Variants in SYT10 observed in about 807,000 individuals in gnomAD.
SYT10 encodes the protein synaptotagmin 10.
Under a neutral mutation model 51.1 loss-of-function variants are expected in SYT10, and 31 were observed. The ratio of observed to expected loss-of-function variants is 0.61; its 90% CI spans 0.46 to 0.82. The LOEUF is 0.82. Ranked by LOEUF, SYT10 falls within the 40% of genes least tolerant of loss-of-function variation. The probability of loss-of-function intolerance (pLI) is 0.00; values close to 1 mark genes in which losing one functional copy is unlikely to be tolerated. For missense variants in SYT10, 603 were observed against 634.0 expected, an observed-to-expected ratio of 0.95 and a Z score of 0.53; for synonymous variants, 233 against 225.9, an observed-to-expected ratio of 1.03 and a Z score of -0.28.
intron 3 of SYT10, among the ~76,000 whole-genome samples, chr12:33,389,726 A>C (rs548455873): frequency 6.6e-6 from 1 of 152,348 alleles, no homozygotes; most frequent in Admixed American, 6.5e-5. Context: ...CCTGTCTTCC[A>C]CATTTCCTTG....
chr12:33,414,186 A>T (rs186293240), intron 2 of SYT10, among the ~76,000 whole-genome samples: 33 of 152,348 alleles, frequency 2.2e-4, no homozygotes, highest in Non-Finnish European at 4.0e-4. Flanking sequence ...TCATAAAGTA[A>T]GTCCTTAGAA....
intron 3 of SYT10, among the ~76,000 whole-genome samples, chr12:33,403,880 A>G (rs991890118): frequency 2.0e-5 from 3 of 152,148 alleles, no homozygotes; most frequent in African/African-American, 4.8e-5. Context: ...TACTACTCTA[A>G]CCATAATATT....
chr12:33,425,112 A>T (rs1866539198), intron 2 of SYT10, among the ~76,000 whole-genome samples: 1 of 152,144 alleles, frequency 6.6e-6, no homozygotes, highest in Non-Finnish European at 1.5e-5. Flanking sequence ...AACCAATATG[A>T]CCCAGTTTTT....
Position 33,424,056 on chromosome 12 carries a change from A to G in SYT10, c.509+2082T>C, listed in dbSNP as rs1228968623. ...AGAGGCAGGTGAAATGATTGATATA[A>G]AAGTTCTAGCAAAACTCTGAATGTG... On this transcript the variant is annotated intron_variant, in intron 2 of 6. Coordinates refer to ENST00000228567, the MANE Select transcript of SYT10 (RefSeq NM_198992.4). 6 of 454,120 alleles carry G rather than the reference A, an allele frequency of 1.3e-5. No individual in the cohort carries two copies. In the East Asian group the frequency reaches 4.2e-4, roughly 32 times the overall value. 28.1% of individuals were successfully genotyped at this position (454,120 alleles called of 1,614,324 possible).
chr12:33,409,033 T>A (rs1450289336), intron 2 of SYT10, among the ~76,000 whole-genome samples: 1 of 148,024 alleles, frequency 6.8e-6, no homozygotes, highest in Non-Finnish European at 1.5e-5. Context: ...TTCAGCTGGC[T>A]TTTTTTTTTC....
At chr12:33,404,111 C>T (rs545947746) in intron 3 of SYT10, among the ~76,000 whole-genome samples, 70 of 152,196 alleles carry the variant, frequency 4.6e-4, no homozygotes, top group African/African-American at 1.7e-3. Flanking sequence ...TAAAGGTAGC[C>T]CCAAAGATAG....
At chr12:33,410,322 T>C (rs1866394631) in intron 2 of SYT10, among the ~76,000 whole-genome samples, 1 of 152,242 alleles carries the variant, frequency 6.6e-6, no homozygotes, top group South Asian at 2.1e-4. Flanking sequence ...ATTTGCTTAT[T>C]TACTTTAACT....
At chr12:33,393,013 A>AT (rs1565492470) in intron 3 of SYT10, among the ~76,000 whole-genome samples, 1 of 146,314 alleles carries the variant, frequency 6.8e-6, no homozygotes, top group Admixed American at 6.9e-5. Context: ...AAAAAAAAAA[A>AT]ATTGCAAAAA....
intron 1 of SYT10, among the ~76,000 whole-genome samples, chr12:33,427,568 G>A (rs1866563262): frequency 6.6e-6 from 1 of 152,108 alleles, no homozygotes; most frequent in South Asian, 2.1e-4. Context: ...AACAGTGCAA[G>A]AAGTTAGATT....
intron 2 of SYT10, among the ~76,000 whole-genome samples, chr12:33,423,162 C>A (rs567255950): frequency 2.0e-5 from 3 of 152,026 alleles, no homozygotes; most frequent in African/African-American, 7.2e-5. Flanking sequence ...AACTTCTAGG[C>A]CCATCAGGAT....
At chr12:33,392,397 C>G (rs754746318) in intron 3 of SYT10, among the ~76,000 whole-genome samples, 13 of 152,144 alleles carry the variant, frequency 8.5e-5, no homozygotes, top group Non-Finnish European at 1.3e-4. Flanking sequence ...TTCTAGCCCA[C>G]TTTCCCCTTT....
At chr12:33,385,119 A>G in intron 4 of SYT10, 52 bp downstream of exon 4, 1 of 1,594,910 alleles carries the variant, frequency 6.3e-7, no homozygotes, top group South Asian at 1.1e-5. Context: ...TAGATACATG[A>G]AATATTTCAT....
intron 3 of SYT10, among the ~76,000 whole-genome samples, chr12:33,395,544 A>G (rs16920963): frequency 0.049 from 7,411 of 152,282 alleles, 317 homozygotes; most frequent in African/African-American, 0.12. Flanking sequence ...ATACACCAGG[A>G]CACAGCTGAT....
At chr12:33,410,810 GAAA>G in intron 2 of SYT10, among the ~76,000 whole-genome samples, 1 of 151,966 alleles carries the variant, frequency 6.6e-6, no homozygotes, top group East Asian at 1.9e-4. Context: ...CAATTTGGAA[GAAA>G]ATAAAAAATA....
chr12:33,382,486 AC>A lies in SYT10; in HGVS notation c.1232del (p.Gly411ValfsTer4). ...TTGTTTTCCTCTTTTTTAATCTTCG[AC>A]CTTCACACATCAGGGACACTTTGAC... ...PYVKVSLMCE[G>X]RRLKKRKTTT... On this transcript the variant is annotated frameshift_variant, in exon 5 of 7. Coordinates refer to ENST00000228567, the MANE Select transcript of SYT10 (RefSeq NM_198992.4). LOFTEE classifies it high-confidence loss of function. 6.2e-7 allele frequency: 1 copy of A among 1,613,030 alleles called. No homozygotes were observed. Among genetic ancestry groups the A allele is most frequent in the South Asian group, 1.1e-5 (1 of 90,962 alleles).
At chr12:33,404,153 T>C (rs956684479) in intron 3 of SYT10, among the ~76,000 whole-genome samples, 4 of 152,166 alleles carry the variant, frequency 2.6e-5, no homozygotes, top group Non-Finnish European at 2.9e-5. Context: ...CTGTGAATAA[T>C]GTTACTTAAA....
intron 3 of SYT10, among the ~76,000 whole-genome samples, chr12:33,402,664 A>G (rs1866316495): frequency 6.6e-6 from 1 of 152,172 alleles, no homozygotes; most frequent in South Asian, 2.1e-4. Context: ...AATCAAATTA[A>G]AGTTATTTGA....
At chr12:33,416,657 T>G (rs546279386) in intron 2 of SYT10, among the ~76,000 whole-genome samples, 1 of 152,138 alleles carries the variant, frequency 6.6e-6, no homozygotes, top group Non-Finnish European at 1.5e-5. Flanking sequence ...GTCACTATCA[T>G]GTAAATAGCC....
At chr12:33,378,959 A>G (rs1479207179) in intron 6 of SYT10, among the ~76,000 whole-genome samples, 2 of 152,168 alleles carry the variant, frequency 1.3e-5, no homozygotes, top group Non-Finnish European at 2.9e-5. Context: ...TGACGATGAC[A>G]GTTCACCTGT....
Sources: allele counts gnomAD v4.1 joint callset (sites outside exome capture counted in the v4.1 genomes callset), GRCh38; gene constraint gnomAD v4.1.1; transcripts MANE v1.5; gene names NCBI Gene and HGNC (gene_info 2026-07-23, HGNC 2026-07-21).